The following SAMSN1 variants were observed in gnomAD, a reference collection of about 807,000 sequenced individuals.
SAMSN1 encodes the protein SAM domain, SH3 domain and nuclear localization signals 1, also known as SAM domain-containing protein SAMSN-1.
Under a neutral mutation model 42.0 loss-of-function variants are expected in SAMSN1, and 31 were observed. The ratio of observed to expected loss-of-function variants is 0.74; its 90% CI spans 0.55 to 1.00. The LOEUF is 1.00. SAMSN1 is among the 50% of genes least tolerant of loss of function. SAMSN1 has a pLI of 0.00. For missense variants in SAMSN1, 464 were observed against 439.4 expected (o/e 1.06, Z -0.50); for synonymous variants, 178 against 151.9 (o/e 1.17, Z -1.26).
chr21:14,617,839 G>A (rs978061905), intron 2 of SAMSN1, among the ~76,000 whole-genome samples: 2 of 152,192 alleles, frequency 1.3e-5, no homozygotes, highest in African/African-American at 4.8e-5. Context: ...AAATTTATAT[G>A]CAATCGAGCA....
chr21:14,526,029 C>A (rs1978831548), intron 1 of SAMSN1, among the ~76,000 whole-genome samples: 1 of 151,966 alleles, frequency 6.6e-6, no homozygotes, highest in Non-Finnish European at 1.5e-5. Flanking sequence ...CCACGCCCAG[C>A]TAATTTTTTT....
upstream of SAMSN1, chr21:14,583,918 A>G (rs942365842): frequency 1.1e-5 from 6 of 553,626 alleles, no homozygotes; most frequent in African/African-American, 7.8e-5. Flanking sequence ...CACTAACTTG[A>G]AAGCACACCA....
intron 1 of SAMSN1, among the ~76,000 whole-genome samples, chr21:14,647,349 C>T (rs1401841991): frequency 6.7e-6 from 1 of 150,160 alleles, no homozygotes; most frequent in Admixed American, 6.7e-5. Flanking sequence ...ATCTATATCT[C>T]TGTTTTGGTA....
At chr21:14,537,766 C>A (rs1341801840) in intron 1 of SAMSN1, among the ~76,000 whole-genome samples, 1 of 152,204 alleles carries the variant, frequency 6.6e-6, no homozygotes, top group African/African-American at 2.4e-5. Flanking sequence ...AAACCATCAA[C>A]CTAGAGCATC....
chr21:14,634,083 C>A (rs383431), intron 2 of SAMSN1, among the ~76,000 whole-genome samples: 1 of 151,720 alleles, frequency 6.6e-6, no homozygotes, highest in African/African-American at 2.4e-5. Context: ...ATTTTACAAA[C>A]GGTGCTGGGA....
Position 14,509,008 on chromosome 21 carries a change from C to T in SAMSN1, c.561+1302G>A, listed in dbSNP as rs117031938. The stretch of plus-strand genomic sequence containing the variant: ...CTGGGTGCGGTGGCCTCCAGCTAGT[C>T]GGGAGGCTGAGGGAGGAGAATCGCT... On this transcript the variant is annotated intron_variant, in intron 5 of 7. Transcript: ENST00000400566. 4.6e-3 allele frequency among the ~76,000 whole-genome samples: 700 copies of T among 151,874 alleles called. 8 individuals are homozygous for T. The highest frequency in any genetic ancestry group is 7.1e-3 in the Non-Finnish European group (484 of 67,952).
chr21:14,559,483 T>C (rs1287252097), intron 2 of SAMSN1, among the ~76,000 whole-genome samples: 1 of 152,074 alleles, frequency 6.6e-6, no homozygotes, highest in Non-Finnish European at 1.5e-5. Context: ...GAAGGTCCCT[T>C]GGGAGAATCT....
upstream of SAMSN1, among the ~76,000 whole-genome samples, chr21:14,585,907 A>G (rs990304942): frequency 6.6e-6 from 1 of 152,168 alleles, no homozygotes; most frequent in Non-Finnish European, 1.5e-5. Context: ...TGAAATTTAG[A>G]GTTAATATTA....
chr21:14,529,778 T>C (rs756080485), intron 1 of SAMSN1, among the ~76,000 whole-genome samples: 11 of 152,216 alleles, frequency 7.2e-5, no homozygotes, highest in Admixed American at 2.0e-4. Context: ...AGATGTCAAC[T>C]TGGAAATCTG....
chr21:14,493,848 A>G (rs74875101), intron 7 of SAMSN1, among the ~76,000 whole-genome samples: 6,686 of 152,166 alleles, frequency 0.044, 338 homozygotes, highest in African/African-American at 0.12. Flanking sequence ...GCAACACAGG[A>G]GCAAATTCCA....
At chr21:14,549,880 G>T (rs1353236999), upstream of SAMSN1, among the ~76,000 whole-genome samples, 1 of 151,808 alleles carries the variant, frequency 6.6e-6, no homozygotes, top group Non-Finnish European at 1.5e-5. Context: ...TGGGGATATT[G>T]TGTTCCTACC....
In SAMSN1 at chr21:14,565,610, T is replaced by G. The variant is rs568002495; in HGVS notation, c.261+16526A>C. ...GATCTAAGCACCAGCACATAAAATA[T>G]CTCTTAGCATCCTAACAATAAGTCT... On this transcript the variant is annotated intron_variant, in intron 2 of 8. Coordinates refer to the SAMSN1 transcript ENST00000285670. Among the ~76,000 whole-genome samples, 9 of 152,304 alleles carry G rather than the reference T, an allele frequency of 5.9e-5. No homozygotes were observed. In the South Asian group the frequency reaches 1.9e-3, roughly 32 times the overall value.
In SAMSN1 at chr21:14,581,364, T is replaced by A. The variant is rs1266522915; in HGVS notation, c.261+772A>T. ...TATTTCTTTTTTTTTTTTTTTTTTT[T>A]TTTTTTTTTTTTGAGGACGAGTCTT... On this transcript the variant is annotated intron_variant, in intron 2 of 8. Coordinates refer to the SAMSN1 transcript ENST00000285670. Among the ~76,000 whole-genome samples, 10 of 114,616 alleles carry A rather than the reference T, an allele frequency of 8.7e-5. 1 individual carries two copies. The highest frequency in any genetic ancestry group is 3.3e-4 in the African/African-American group (10 of 30,684). The allele number at this position is 114,616 out of a possible 152,430, so 75.2% of individuals were successfully genotyped here.
chr21:14,553,040 A>T (rs1980649188), intron 2 of SAMSN1, among the ~76,000 whole-genome samples: 1 of 152,020 alleles, frequency 6.6e-6, no homozygotes, highest in Non-Finnish European at 1.5e-5. Context: ...TGATCCTTCC[A>T]ATATTTAAAA....
intron 7 of SAMSN1, among the ~76,000 whole-genome samples, chr21:14,486,592 CACTATAAGTAAGAATGT>C (rs1210961069): frequency 6.6e-6 from 1 of 152,098 alleles, no homozygotes; most frequent in Non-Finnish European, 1.5e-5. Flanking sequence ...AATAAATTAT[CACTATAAGTAAGAATGT>C]ACAGTAGGAC....
At chr21:14,636,692 A>G (rs1202329861) in intron 2 of SAMSN1, among the ~76,000 whole-genome samples, 2 of 152,052 alleles carry the variant, frequency 1.3e-5, no homozygotes, top group African/African-American at 4.8e-5. Context: ...CTATTAAAAT[A>G]CAAAAAATTA....
At chr21:14,560,537 A>C (rs1053108238) in intron 2 of SAMSN1, among the ~76,000 whole-genome samples, 2 of 152,224 alleles carry the variant, frequency 1.3e-5, no homozygotes, top group Non-Finnish European at 2.9e-5. Context: ...AACATTTTGG[A>C]CCAAACTGAG....
intron 1 of SAMSN1, among the ~76,000 whole-genome samples, chr21:14,543,402 C>T (rs2822760): frequency 0.51 from 78,079 of 151,940 alleles, 20,496 homozygotes; most frequent in East Asian, 0.79. Flanking sequence ...TGTATTTGGA[C>T]TTACTCTTTT....
chr21:14,588,872 CT>C (rs144308745), intron 7 of SAMSN1, among the ~76,000 whole-genome samples: 1 of 79,372 alleles, frequency 1.3e-5, no homozygotes, highest in African/African-American at 7.9e-5. Flanking sequence ...TTTCTTTTCA[CT>C]TTTGTCTTTG....
Sources: allele counts gnomAD v4.1 joint callset (sites outside exome capture counted in the v4.1 genomes callset), GRCh38; gene constraint gnomAD v4.1.1; transcripts MANE v1.5; gene names NCBI Gene and HGNC (gene_info 2026-07-23, HGNC 2026-07-21).